Variants in TNFSF11 observed in about 807,000 individuals in gnomAD.
TNFSF11 encodes the protein tumor necrosis factor ligand superfamily member 11.
A neutral mutation model predicts 32.2 loss-of-function variants in TNFSF11; 12 were observed. The ratio of observed to expected loss-of-function variants is 0.37; its 90% CI spans 0.24 to 0.60. The LOEUF (loss-of-function observed/expected upper bound fraction) is 0.60. Ranked by LOEUF, TNFSF11 falls within the 20% of genes least tolerant of loss-of-function variation. TNFSF11 has a pLI of 0.66. For synonymous variants in TNFSF11, 172 were observed against 152.1 expected (o/e 1.13, Z -0.96); for missense variants, 345 against 398.0 (o/e 0.87, Z 1.13).
chr13:42,581,030 G>T, intron 1 of TNFSF11, 96 bp from the exon 2 acceptor site: 1 of 1,310,020 alleles, frequency 7.6e-7, no homozygotes. Context: ...AAAGACTCTT[G>T]CGAGTATGAA....
intron 2 of TNFSF11, among the ~76,000 whole-genome samples, chr13:42,587,937 T>TA (rs1011997514): frequency 1.3e-5 from 2 of 152,172 alleles, no homozygotes; most frequent in Non-Finnish European, 2.9e-5. Flanking sequence ...GCCTATTAGT[T>TA]AAAAAAAGGA....
intron 2 of TNFSF11, among the ~76,000 whole-genome samples, chr13:42,584,932 A>T (rs1261916493): frequency 6.6e-6 from 1 of 152,238 alleles, no homozygotes; most frequent in Non-Finnish European, 1.5e-5. Context: ...GAGGTAGAAG[A>T]TGCCATTTCT....
chr13:42,590,488 C>G (rs78290567), intron 2 of TNFSF11, among the ~76,000 whole-genome samples: 1 of 152,168 alleles, frequency 6.6e-6, no homozygotes, highest in Non-Finnish European at 1.5e-5. Flanking sequence ...TCTCTGACCC[C>G]CTTTGCGTCT....
At chr13:42,589,319 A>T (rs1413897828) in intron 2 of TNFSF11, among the ~76,000 whole-genome samples, 1 of 151,680 alleles carries the variant, frequency 6.6e-6, no homozygotes, top group Non-Finnish European at 1.5e-5. Context: ...TATTGTCTCT[A>T]CTCTGCTCAC....
At chr13:42,575,060 G>C (rs1373844395) in intron 1 of TNFSF11, among the ~76,000 whole-genome samples, 1 of 152,166 alleles carries the variant, frequency 6.6e-6, no homozygotes, top group Non-Finnish European at 1.5e-5. Flanking sequence ...CGCGGTGCTC[G>C]TGCCCAGGTC....
intron 1 of TNFSF11, among the ~76,000 whole-genome samples, chr13:42,565,687 G>A (rs146257467): frequency 6.6e-6 from 1 of 152,288 alleles, no homozygotes; most frequent in Non-Finnish European, 1.5e-5. Context: ...ACAGAGATGG[G>A]AAAAAATTAA....
At chr13:42,599,349 C>CTATCATCCATCT (rs11385072) in intron 2 of TNFSF11, among the ~76,000 whole-genome samples, 30 of 112,246 alleles carry the variant, frequency 2.7e-4, no homozygotes, top group South Asian at 7.1e-4. Flanking sequence ...ATCTATCTAT[C>CTATCATCCATCT]ATCTATCTAT....
intron 2 of TNFSF11, among the ~76,000 whole-genome samples, chr13:42,599,786 T>C (rs763223375): frequency 2.6e-5 from 4 of 152,192 alleles, no homozygotes; most frequent in Non-Finnish European, 5.9e-5. Context: ...GCCCAGCTGA[T>C]CTTGAACTCC....
intron 2 of TNFSF11, among the ~76,000 whole-genome samples, chr13:42,598,195 C>T (rs961950921): frequency 6.6e-6 from 1 of 152,068 alleles, no homozygotes; most frequent in African/African-American, 2.4e-5. Flanking sequence ...ACAAAACAGG[C>T]ATTTGTAGGT....
intron 2 of TNFSF11, 38 bp from the exon 3 acceptor site, chr13:42,600,714 G>A: frequency 6.4e-7 from 1 of 1,563,592 alleles, no homozygotes; most frequent in Non-Finnish European, 8.7e-7. Flanking sequence ...CAGAAAGAAT[G>A]ATTTTATAAA....
chr13:42,582,797 T>G (rs1873681843), intron 2 of TNFSF11, among the ~76,000 whole-genome samples: 1 of 152,232 alleles, frequency 6.6e-6, no homozygotes, highest in Non-Finnish European at 1.5e-5. Flanking sequence ...TGTTTTATAT[T>G]TCATTTTCAT....
chr13:42,600,213 A>G (rs1419537541), intron 2 of TNFSF11, among the ~76,000 whole-genome samples: 2 of 152,174 alleles, frequency 1.3e-5, no homozygotes, highest in Non-Finnish European at 2.9e-5. Context: ...TTGGTACTCT[A>G]AAGGCTCTTA....
At chr13:42,585,477 C>T (rs1191979718) in intron 2 of TNFSF11, among the ~76,000 whole-genome samples, 2 of 152,084 alleles carry the variant, frequency 1.3e-5, no homozygotes, top group African/African-American at 4.8e-5. Flanking sequence ...TTCTTGGCTT[C>T]CCCCACCCCC....
At chr13:42,566,552 A>C (rs945527453) in intron 1 of TNFSF11, 1 of 152,364 alleles carries the variant, frequency 6.6e-6, no homozygotes, top group Non-Finnish European at 1.5e-5. Context: ...AGCTATTGTG[A>C]AAGATCAATT....
At chr13:42,599,663 C>T (rs1301962639) in intron 2 of TNFSF11, among the ~76,000 whole-genome samples, 3 of 152,022 alleles carry the variant, frequency 2.0e-5, no homozygotes, top group Non-Finnish European at 2.9e-5. Context: ...CGCAACCTCC[C>T]GGTTCAAGCG....
chr13:42,596,973 A>C (rs1220963298), intron 2 of TNFSF11, among the ~76,000 whole-genome samples: 1 of 152,264 alleles, frequency 6.6e-6, no homozygotes, highest in Non-Finnish European at 1.5e-5. Flanking sequence ...CTGCGCAGCC[A>C]GGTCCCTCAC....
At position 42,574,573 on chromosome 13, in the gene TNFSF11, C is replaced by A. The variant is rs559693227; in HGVS notation, c.219+51C>A. 2.5e-6 allele frequency: 4 copies of A among 1,577,588 alleles called. No individual in the cohort carries two copies. The African/African-American group carries it at 4.0e-5, about 16-fold the overall frequency. Reference sequence around the variant, plus strand: ...CGCGGCTGAGAGCGCCCATCTCCTTCCCCCGCACTTGGAAACTGAGTCTGG... The same window carrying A: ...CGCGGCTGAGAGCGCCCATCTCCTTACCCCGCACTTGGAAACTGAGTCTGG... On this transcript the variant is annotated intron_variant, in intron 1 of 4. Coordinates refer to ENST00000398795, the MANE Select transcript of TNFSF11 (RefSeq NM_003701.4).
Position 42,606,816 on chromosome 13 carries a change from G to A in TNFSF11, c.852G>A (p.Arg284=), listed in dbSNP as rs751108604. 6.2e-6 allele frequency: 10 copies of A among 1,613,660 alleles called. No homozygotes were observed. The South Asian group carries it at 9.9e-5, about 16-fold the overall frequency. ...SINVGGFFKL[R]SGEEISIEVS... ...ACGTTGGTGGATTTTTTAAGTTACG[G>A]TCTGGAGAGGAAATCAGCATCGAGG... Residue 284 remains arginine (R), a synonymous_variant, in exon 5 of 5, where the codon CGG becomes CGA. Coordinates refer to ENST00000398795, the MANE Select transcript of TNFSF11 (RefSeq NM_003701.4).
At chr13:42,566,434 G>A (rs1458803299) in intron 1 of TNFSF11, among the ~76,000 whole-genome samples, 3 of 152,082 alleles carry the variant, frequency 2.0e-5, no homozygotes, top group Non-Finnish European at 2.9e-5. Context: ...CTTGAAAGAG[G>A]GACTTGAATC....
Sources: gnomAD v4.1 joint callset for allele counts (sites outside exome capture counted in the v4.1 genomes callset) on GRCh38, gnomAD v4.1.1 for gene constraint, MANE v1.5 for transcripts, NCBI Gene and HGNC (gene_info 2026-07-23, HGNC 2026-07-21) for gene names.